Variants in WWOX observed in about 807,000 individuals in gnomAD.
The protein encoded by WWOX is WW domain-containing oxidoreductase.
WWOX carries 69 observed loss-of-function variants against 46.2 expected under a neutral mutation model. The ratio of observed to expected loss-of-function variants is 1.49; its 90% confidence interval spans 1.23 to 1.82. The LOEUF (loss-of-function observed/expected upper bound fraction) is 1.82. WWOX is among the 40% of genes most tolerant of loss of function. The probability of loss-of-function intolerance (pLI) is 0.00; values close to 1 mark genes in which losing one functional copy is unlikely to be tolerated. For missense variants in WWOX, 919 were observed against 542.6 expected, an observed-to-expected ratio of 1.69 and a Z score of -6.89; for synonymous variants, 359 against 202.6, an observed-to-expected ratio of 1.77 and a Z score of -6.56.
chr16:78,742,536 T>C lies in WWOX; in HGVS notation c.1056+309784T>C, dbSNP rs561824401. ...TACTAGGTGCCCTAGAAATGTTCTT[T>C]CCTCTGACTCAAATGACAAATCAGT... On this transcript the variant is annotated intron_variant, in intron 8 of 8. Coordinates refer to ENST00000566780, the MANE Select transcript of WWOX (RefSeq NM_016373.4). Among the ~76,000 whole-genome samples, 7 of 152,198 alleles carry C rather than the reference T, an allele frequency of 4.6e-5. 1 individual carries two copies. The highest frequency in any genetic ancestry group is 8.8e-5 in the Non-Finnish European group (6 of 68,040).
At chr16:78,950,045 C>A (rs1191804473) in intron 8 of WWOX, among the ~76,000 whole-genome samples, 1 of 152,194 alleles carries the variant, frequency 6.6e-6, no homozygotes, top group Non-Finnish European at 1.5e-5. Flanking sequence ...AGCTCTAGGT[C>A]TAGTCTGCCA....
chr16:79,126,368 C>G (rs1002182001), intron 8 of WWOX, among the ~76,000 whole-genome samples: 1 of 152,172 alleles, frequency 6.6e-6, no homozygotes, highest in African/African-American at 2.4e-5. Context: ...GTAATCCCCA[C>G]GTGTCAAAGG....
intron 8 of WWOX, among the ~76,000 whole-genome samples, chr16:78,869,946 G>T (rs1380852103): frequency 6.6e-6 from 1 of 152,180 alleles, no homozygotes; most frequent in East Asian, 1.9e-4. Flanking sequence ...TGCCTTGGGA[G>T]TCTATGTTTA....
At chr16:78,112,877 CT>C (rs376063639) in intron 3 of WWOX, among the ~76,000 whole-genome samples, 5 of 150,472 alleles carry the variant, frequency 3.3e-5, no homozygotes, top group African/African-American at 1.2e-4. Context: ...TTTTTAAAGA[CT>C]TTTTTTTTGT....
intron 5 of WWOX, among the ~76,000 whole-genome samples, chr16:78,259,071 C>A (rs1481806536): frequency 6.6e-6 from 1 of 152,150 alleles, no homozygotes; most frequent in Non-Finnish European, 1.5e-5. Context: ...AAAAGAAGCA[C>A]CATTTTGAAT....
chr16:78,799,989 A>G (rs559472819), intron 8 of WWOX, among the ~76,000 whole-genome samples: 3 of 152,268 alleles, frequency 2.0e-5, no homozygotes, highest in Non-Finnish European at 2.9e-5. Flanking sequence ...TGAGGTTCCG[A>G]TGAACTCTTT....
chr16:79,211,787 G>C lies in WWOX; in HGVS notation c.1236G>C (p.Gln412His), dbSNP rs752615341. The change falls in exon 9 of 9, where the codon CAG becomes CAC. Residue 412 changes from glutamine to histidine, a missense_variant. Gln to His is a conservative substitution (Grantham distance 24). Transcript: ENST00000566780. ...ERLIQERLGS[Q>H]SG is the part of the protein sequence containing the mutation. ...TGATCCAAGAACGGCTTGGCAGCCA[G>C]TCCGGCTAAGTGGAGCTCAGAGCGG... 1.2e-6 allele frequency: 2 copies of C among 1,614,118 alleles called. No individual in the cohort carries two copies. The highest frequency in any genetic ancestry group is 8.5e-7 in the Non-Finnish European group (1 of 1,179,980).
At chr16:78,438,805 G>A (rs1263028952) in intron 8 of WWOX, among the ~76,000 whole-genome samples, 1 of 152,116 alleles carries the variant, frequency 6.6e-6, no homozygotes, top group Non-Finnish European at 1.5e-5. Context: ...CGGATGTGCA[G>A]CTACCCTGCT....
intron 8 of WWOX, among the ~76,000 whole-genome samples, chr16:78,590,546 A>C (rs139147529): frequency 6.6e-6 from 1 of 152,202 alleles, no homozygotes; most frequent in African/African-American, 2.4e-5. Flanking sequence ...GAAAACACAA[A>C]GTGTATTTCT....
At chr16:78,842,648 G>A (rs1427396173) in intron 8 of WWOX, among the ~76,000 whole-genome samples, 1 of 152,112 alleles carries the variant, frequency 6.6e-6, no homozygotes, top group Non-Finnish European at 1.5e-5. Context: ...TGGATTGCTG[G>A]AGCTCAGGAG....
At chr16:79,061,594 A>C (rs945669332) in intron 8 of WWOX, among the ~76,000 whole-genome samples, 14 of 152,242 alleles carry the variant, frequency 9.2e-5, no homozygotes, top group African/African-American at 3.4e-4. Context: ...GGGACAGAGA[A>C]CAGATCCATT....
intron 8 of WWOX, chr16:78,895,511 T>G (rs1443038117): frequency 2.2e-4 from 33 of 152,222 alleles, no homozygotes; most frequent in Admixed American, 2.2e-3. Context: ...TCCACCAGTC[T>G]ATCAACCCTG....
At chr16:78,871,460 G>A (rs1057051033) in intron 8 of WWOX, among the ~76,000 whole-genome samples, 1 of 152,200 alleles carries the variant, frequency 6.6e-6, no homozygotes, top group Non-Finnish European at 1.5e-5. Flanking sequence ...ACAGTTTCCA[G>A]TGCTTCTGCA....
chr16:78,408,925 T>C (rs1234356812), intron 6 of WWOX, among the ~76,000 whole-genome samples: 1 of 149,050 alleles, frequency 6.7e-6, no homozygotes, highest in Non-Finnish European at 1.5e-5. Context: ...CAGAAAGTAC[T>C]GTGATTTAAA....
chr16:79,110,836 A>G (rs1171960253), intron 8 of WWOX: 1 of 152,200 alleles, frequency 6.6e-6, no homozygotes, highest in Non-Finnish European at 1.5e-5. Flanking sequence ...TGGGCAAGTT[A>G]GCTGACTTTT....
chr16:78,994,672 A>C (rs1055045710), intron 8 of WWOX, among the ~76,000 whole-genome samples: 3 of 152,294 alleles, frequency 2.0e-5, no homozygotes, highest in South Asian at 2.1e-4. Context: ...CAATCGCGTC[A>C]CACTGTAATA....
intron 8 of WWOX, among the ~76,000 whole-genome samples, chr16:79,099,965 A>C (rs1197578865): frequency 6.6e-6 from 1 of 152,232 alleles, no homozygotes. Context: ...AACTCTTGGC[A>C]TATGCTAAAG....
At chr16:78,420,413 A>G (rs1245666705) in intron 6 of WWOX, among the ~76,000 whole-genome samples, 1 of 152,202 alleles carries the variant, frequency 6.6e-6, no homozygotes. Flanking sequence ...GTATATTCAT[A>G]TAATGGAATA....
At chr16:78,767,815 C>G (rs990774562) in intron 8 of WWOX, among the ~76,000 whole-genome samples, 2 of 152,102 alleles carry the variant, frequency 1.3e-5, no homozygotes, top group Non-Finnish European at 2.9e-5. Flanking sequence ...TGATGTTAAG[C>G]GTACTTTCAC....
Sources: gnomAD v4.1 joint callset for allele counts (sites outside exome capture counted in the v4.1 genomes callset) on GRCh38, gnomAD v4.1.1 for gene constraint, MANE v1.5 for transcripts, NCBI Gene and HGNC (gene_info 2026-07-23, HGNC 2026-07-21) for gene names.